The following TMED3 variants were observed in gnomAD, a reference collection of about 807,000 sequenced individuals.
TMED3 encodes transmembrane p24 trafficking protein 3, also known as transmembrane emp24 domain-containing protein 3.
A neutral mutation model predicts 15.0 loss-of-function variants in TMED3; 9 were observed. The observed-to-expected ratio is 0.60, with a 90% confidence interval of 0.36 to 1.04. The LOEUF (loss-of-function observed/expected upper bound fraction) is 1.04, where lower values mean the gene tolerates loss of function less well. TMED3 is among the 50% of genes least tolerant of loss of function. The pLI is 0.01. For missense variants in TMED3, 267 were observed against 278.9 expected (o/e 0.96, Z 0.30); for synonymous variants, 117 against 121.4 (o/e 0.96, Z 0.24).
chr15:79,336,158 T>C (rs138424546), intron 2 of TMED3, among the ~76,000 whole-genome samples: 3 of 152,318 alleles, frequency 2.0e-5, no homozygotes, highest in African/African-American at 7.2e-5. Context: ...AGCTGAAGTG[T>C]GGCTGTGGAG....
chr15:79,403,741 G>A (rs1009981043), intron 2 of TMED3, among the ~76,000 whole-genome samples: 1 of 152,140 alleles, frequency 6.6e-6, no homozygotes, highest in Non-Finnish European at 1.5e-5. Context: ...CCTCTCCCTT[G>A]TTGGGAATCA....
downstream of TMED3, among the ~76,000 whole-genome samples, chr15:79,327,655 C>CA (rs1395739055): frequency 6.6e-6 from 1 of 152,086 alleles, no homozygotes; most frequent in Non-Finnish European, 1.5e-5. Context: ...CACACGCACC[C>CA]AAAAAAACAC....
At chr15:79,385,232 A>G (rs1893609401) in intron 2 of TMED3, among the ~76,000 whole-genome samples, 1 of 152,194 alleles carries the variant, frequency 6.6e-6, no homozygotes, top group African/African-American at 2.4e-5. Flanking sequence ...CTGCTCAGGC[A>G]TGCACAGAGA....
chr15:79,379,541 A>G (rs1893484606), intron 2 of TMED3, among the ~76,000 whole-genome samples: 1 of 151,856 alleles, frequency 6.6e-6, no homozygotes, highest in Non-Finnish European at 1.5e-5. Flanking sequence ...ATGAAGTGAT[A>G]TATATCTAAT....
At chr15:79,376,092 GTTTTTTTT>G (rs199728545) in intron 2 of TMED3, among the ~76,000 whole-genome samples, 3 of 112,080 alleles carry the variant, frequency 2.7e-5, no homozygotes, top group African/African-American at 1.1e-4. Context: ...CTAGAGAAAG[GTTTTTTTT>G]TTTTTTTTTT....
chr15:79,354,637 AAG>A (rs1404932755), intron 2 of TMED3, among the ~76,000 whole-genome samples: 12 of 145,838 alleles, frequency 8.2e-5, no homozygotes, highest in African/African-American at 2.9e-4. Context: ...AAAAAAAAAA[AAG>A]AAAAATTCAA....
chr15:79,397,430 C>T (rs1893775734), intron 2 of TMED3, among the ~76,000 whole-genome samples: 1 of 152,196 alleles, frequency 6.6e-6, no homozygotes, highest in Non-Finnish European at 1.5e-5. Context: ...TGAAGAGCCT[C>T]TTTCCCTCCT....
chr15:79,378,812 C>G (rs1893471235), intron 2 of TMED3, among the ~76,000 whole-genome samples: 1 of 152,136 alleles, frequency 6.6e-6, no homozygotes, highest in Non-Finnish European at 1.5e-5. Flanking sequence ...GATTTAGTAT[C>G]TATTCTATTT....
At chr15:79,363,593 G>A (rs1893173188) in intron 2 of TMED3, among the ~76,000 whole-genome samples, 1 of 151,572 alleles carries the variant, frequency 6.6e-6, no homozygotes, top group South Asian at 2.1e-4. Flanking sequence ...TGGCTGATGA[G>A]TATATGAAAG....
intron 2 of TMED3, among the ~76,000 whole-genome samples, chr15:79,375,782 C>T (rs1893413045): frequency 6.6e-6 from 1 of 152,304 alleles, no homozygotes; most frequent in Non-Finnish European, 1.5e-5. Context: ...CTCCACTCCA[C>T]CACTGGGGAT....
chr15:79,394,670 T>C (rs1216320908), intron 2 of TMED3, among the ~76,000 whole-genome samples: 1 of 152,234 alleles, frequency 6.6e-6, no homozygotes, highest in Non-Finnish European at 1.5e-5. Context: ...TCTTGCATTC[T>C]TTCTCCTGCT....
intron 2 of TMED3, among the ~76,000 whole-genome samples, chr15:79,397,715 A>G (rs1293046787): frequency 2.0e-5 from 3 of 152,200 alleles, no homozygotes; most frequent in Non-Finnish European, 2.9e-5. Flanking sequence ...CAATATACAT[A>G]TGCATTTTTG....
chr15:79,369,600 G>C (rs1893299002), intron 2 of TMED3, among the ~76,000 whole-genome samples: 1 of 152,208 alleles, frequency 6.6e-6, no homozygotes, highest in Admixed American at 6.5e-5. Flanking sequence ...CCGCATTTCA[G>C]TTACAATATT....
chr15:79,371,701 C>G (rs1005957873), intron 2 of TMED3, among the ~76,000 whole-genome samples: 1 of 152,176 alleles, frequency 6.6e-6, no homozygotes, highest in East Asian at 1.9e-4. Context: ...CTAGAGGCAT[C>G]TCTTGGTCTG....
At chr15:79,370,079 G>A (rs1893307984) in intron 2 of TMED3, among the ~76,000 whole-genome samples, 1 of 152,038 alleles carries the variant, frequency 6.6e-6, no homozygotes, top group Non-Finnish European at 1.5e-5. Context: ...GTGAAGAAGA[G>A]GTAAAAGGCT....
chr15:79,386,506 A>T (rs1294773467), intron 2 of TMED3, among the ~76,000 whole-genome samples: 1 of 151,960 alleles, frequency 6.6e-6, no homozygotes, highest in African/African-American at 2.4e-5. Context: ...TTGGCTTTTC[A>T]TTCTCTAAAA....
intron 2 of TMED3, among the ~76,000 whole-genome samples, chr15:79,409,398 C>T (rs184317969): frequency 1.3e-5 from 2 of 152,254 alleles, no homozygotes; most frequent in African/African-American, 4.8e-5. Flanking sequence ...AGCCACAATG[C>T]CCCAGATATA....
chr15:79,388,077 TTCTTA>T (rs1893649401), intron 2 of TMED3, among the ~76,000 whole-genome samples: 1 of 152,138 alleles, frequency 6.6e-6, no homozygotes, highest in Non-Finnish European at 1.5e-5. Context: ...TATATTTTAT[TTCTTA>T]TCTTACCATT....
rs1201502705 is a variant in TMED3 at position 79,392,640 on chromosome 15, C to T, written c.418-18760C>T. Among the ~76,000 whole-genome samples, 5 of 152,286 alleles carry T rather than the reference C, an allele frequency of 3.3e-5. No homozygotes were observed. In the East Asian group the frequency reaches 7.7e-4, roughly 23 times the overall value. On this transcript the variant is annotated intron_variant, in intron 2 of 2. Coordinates refer to the TMED3 transcript ENST00000424155. ...TCCAAAATTTCAAATAATTGTGCAA[C>T]TCTTTCTACTGTTTATTATTTTAGC...
Sources: gnomAD v4.1 joint callset for allele counts (sites outside exome capture counted in the v4.1 genomes callset) on GRCh38, gnomAD v4.1.1 for gene constraint, MANE v1.5 for transcripts, NCBI Gene and HGNC (gene_info 2026-07-23, HGNC 2026-07-21) for gene names.